The following MAD1L1 variants were observed in gnomAD, a reference collection of about 807,000 sequenced individuals.
The protein encoded by MAD1L1 is mitotic arrest deficient 1 like 1, also known as mitotic spindle assembly checkpoint protein MAD1.
Under a neutral mutation model 96.9 loss-of-function variants are expected in MAD1L1, and 95 were observed. That is an observed-to-expected ratio of 0.98 (90% CI 0.83 to 1.16). MAD1L1 has a LOEUF of 1.16. Among genes scored for constraint, MAD1L1 ranks in the 50% most tolerant of loss-of-function variants. MAD1L1 has a pLI of 0.00. For synonymous variants in MAD1L1, 473 were observed against 396.6 expected, an observed-to-expected ratio of 1.19 and a Z score of -2.29; for missense variants, 1,007 against 954.4, an observed-to-expected ratio of 1.06 and a Z score of -0.73.
At chr7:1,983,116 GCACACACACCCACAGA>G (rs1562582732) in intron 14 of MAD1L1, among the ~76,000 whole-genome samples, 11 of 149,856 alleles carry the variant, frequency 7.3e-5, no homozygotes, top group Admixed American at 6.7e-4. Flanking sequence ...GTGCACACAC[GCACACACACCCACAGA>G]CGCGCGCGCG....
At chr7:2,121,397 G>C (rs749146714) in intron 11 of MAD1L1, among the ~76,000 whole-genome samples, 1 of 152,214 alleles carries the variant, frequency 6.6e-6, no homozygotes, top group African/African-American at 2.4e-5. Flanking sequence ...ACACACACTC[G>C]GTCCAGCTGG....
At chr7:2,014,052 C>T (rs1372992812) in intron 13 of MAD1L1, among the ~76,000 whole-genome samples, 5 of 152,152 alleles carry the variant, frequency 3.3e-5, no homozygotes, top group South Asian at 2.1e-4. Flanking sequence ...GGGAGCTGGG[C>T]GCCCTGGGCC....
rs1265197042 is a variant in MAD1L1 at position 1,992,343 on chromosome 7, T to C, written c.1416+9722A>G. ...GCTCCAGAACCTTCACTGGGATCAA[T>C]GAGGCTGCCTCCTCAATAGGAGCAG... On this transcript the variant is annotated intron_variant, in intron 14 of 18. Transcript: ENST00000265854. Among the ~76,000 whole-genome samples the C allele has an allele frequency of 1.3e-5, 2 of 152,250 alleles. 1 individual carries two copies. The highest frequency in any genetic ancestry group is 2.9e-5 in the Non-Finnish European group (2 of 68,038).
chr7:2,140,372 G>A (rs1162976967), intron 11 of MAD1L1, among the ~76,000 whole-genome samples: 4 of 152,216 alleles, frequency 2.6e-5, no homozygotes, highest in Admixed American at 6.5e-5. Context: ...GGGTGCCGGT[G>A]CCACCCTCCA....
intron 15 of MAD1L1, among the ~76,000 whole-genome samples, chr7:1,964,795 CT>C (rs1780091848): frequency 6.6e-6 from 1 of 152,208 alleles, no homozygotes; most frequent in Non-Finnish European, 1.5e-5. Flanking sequence ...ACGGGGGAAA[CT>C]TTTGCAAGAA....
chr7:2,149,138 G>A lies in MAD1L1; in HGVS notation c.1073+14C>T, dbSNP rs1279715963. ...AAACGCATCCCCACAAGCACCCTGG[G>A]CGGCCAGGTCTACCTGCTGGTGACG... On this transcript the variant is annotated intron_variant, in intron 11 of 18. Coordinates refer to ENST00000265854, the MANE Select transcript of MAD1L1 (RefSeq NM_001013836.2). 3 of 1,613,468 alleles carry A rather than the reference G, an allele frequency of 1.9e-6. No homozygotes were observed. The highest frequency in any genetic ancestry group is 1.7e-6 in the Non-Finnish European group (2 of 1,179,796).
intron 14 of MAD1L1, among the ~76,000 whole-genome samples, chr7:1,995,540 C>CA (rs1781517095): frequency 6.6e-6 from 1 of 152,098 alleles, no homozygotes; most frequent in Non-Finnish European, 1.5e-5. Flanking sequence ...AGGGCGGGCG[C>CA]AGGAGCCCCA....
chr7:1,888,026 C>A (rs940527315), intron 18 of MAD1L1, among the ~76,000 whole-genome samples: 1 of 132,714 alleles, frequency 7.5e-6, no homozygotes, highest in East Asian at 2.4e-4. Flanking sequence ...TGTGTGCATG[C>A]GTGAGACTGA....
chr7:1,826,024 T>A (rs1257462755), intron 18 of MAD1L1, among the ~76,000 whole-genome samples: 1 of 152,096 alleles, frequency 6.6e-6, no homozygotes, highest in African/African-American at 2.4e-5. Flanking sequence ...GTGATCTGTA[T>A]CCCAAAGTTC....
At chr7:2,093,200 G>C (rs567878679) in intron 11 of MAD1L1, among the ~76,000 whole-genome samples, 1 of 134,328 alleles carries the variant, frequency 7.4e-6, no homozygotes, top group African/African-American at 2.9e-5. Context: ...AGCCAAGATA[G>C]CACCACTGCA....
intron 11 of MAD1L1, among the ~76,000 whole-genome samples, chr7:2,138,420 G>A (rs903184849): frequency 2.6e-5 from 4 of 152,234 alleles, no homozygotes; most frequent in African/African-American, 9.6e-5. Context: ...CCACGACGAG[G>A]TGGGCGCCAG....
At chr7:1,884,239 G>A (rs894401821) in intron 18 of MAD1L1, among the ~76,000 whole-genome samples, 2 of 152,222 alleles carry the variant, frequency 1.3e-5, no homozygotes, top group African/African-American at 4.8e-5. Context: ...CTGAAGAGAC[G>A]TGGCCACCCA....
At chr7:2,232,701 G>C (rs1441223794) in intron 1 of MAD1L1, among the ~76,000 whole-genome samples, 171 bp downstream of exon 1, 2 of 152,182 alleles carry the variant, frequency 1.3e-5, no homozygotes, top group South Asian at 4.1e-4. Flanking sequence ...ACAGAGAGGA[G>C]AGCGCGCCCA....
chr7:2,081,734 G>C (rs1406870198), intron 11 of MAD1L1, among the ~76,000 whole-genome samples: 1 of 152,270 alleles, frequency 6.6e-6, no homozygotes, highest in Non-Finnish European at 1.5e-5. Context: ...CGGCGGAGGG[G>C]GCAGGAGCTA....
At position 2,135,382 on chromosome 7, in the gene MAD1L1, T is replaced by C. The variant is rs1455250547; in HGVS notation, c.1073+13770A>G. ...TAAAAAACAATGCCATTCCTCTCAC[T>C]GTCTCGTTTTGTGTTAGAAAATGCA... On this transcript the variant is annotated intron_variant, in intron 11 of 18. Transcript: ENST00000265854. Among the ~76,000 whole-genome samples, 3 of 152,254 alleles carry C rather than the reference T, an allele frequency of 2.0e-5. No individual in the cohort carries two copies. In the East Asian group the frequency reaches 5.8e-4, roughly 29 times the overall value.
intron 12 of MAD1L1, among the ~76,000 whole-genome samples, chr7:2,045,122 G>C (rs937894641): frequency 6.6e-6 from 1 of 152,276 alleles, no homozygotes; most frequent in Non-Finnish European, 1.5e-5. Flanking sequence ...TGCCACCAGG[G>C]GCCAGAAAGG....
At chr7:1,979,517 A>G (rs1780796396) in intron 15 of MAD1L1, among the ~76,000 whole-genome samples, 1 of 152,252 alleles carries the variant, frequency 6.6e-6, no homozygotes, top group Non-Finnish European at 1.5e-5. Flanking sequence ...CAACACAGGC[A>G]CCAAAGCGGA....
chr7:1,994,735 G>A (rs1781485698), intron 14 of MAD1L1, among the ~76,000 whole-genome samples: 1 of 152,218 alleles, frequency 6.6e-6, no homozygotes, highest in African/African-American at 2.4e-5. Flanking sequence ...CAGTGAGAGG[G>A]CGCCATCTGG....
chr7:1,841,994 T>A (rs942509342), intron 18 of MAD1L1, among the ~76,000 whole-genome samples: 2 of 152,208 alleles, frequency 1.3e-5, no homozygotes, highest in African/African-American at 4.8e-5. Context: ...GCCGCCATCT[T>A]CCTGTGGACG....
Sources: allele counts gnomAD v4.1 joint callset (sites outside exome capture counted in the v4.1 genomes callset), GRCh38; gene constraint gnomAD v4.1.1; transcripts MANE v1.5; gene names NCBI Gene and HGNC (gene_info 2026-07-23, HGNC 2026-07-21).